The following NR3C2 variants were observed in gnomAD, a reference collection of about 807,000 sequenced individuals.
NR3C2 encodes nuclear receptor subfamily 3 group C member 2, also known as mineralocorticoid receptor.
A neutral mutation model predicts 86.4 loss-of-function variants in NR3C2; 15 were observed. The observed-to-expected ratio is 0.17, with a 90% CI of 0.12 to 0.27. The LOEUF (loss-of-function observed/expected upper bound fraction) is 0.27. Ranked by LOEUF, NR3C2 falls within the 10% of genes least tolerant of loss-of-function variation. The pLI, the probability that NR3C2 is intolerant of heterozygous loss-of-function variation, is 1.00. For synonymous variants in NR3C2, 458 were observed against 450.5 expected, an observed-to-expected ratio of 1.02 and a Z score of -0.21; for missense variants, 960 against 1,195.6, an observed-to-expected ratio of 0.80 and a Z score of 2.91.
At chr4:148,229,138 T>C (rs28507515) in intron 3 of NR3C2, among the ~76,000 whole-genome samples, 19,474 of 152,142 alleles carry the variant, frequency 0.13, 1,435 homozygotes, top group African/African-American at 0.19. Context: ...AGGAGGCAGA[T>C]AAGGGAACCT....
At chr4:148,147,178 G>A (rs1158065788) in intron 6 of NR3C2, among the ~76,000 whole-genome samples, 1 of 152,158 alleles carries the variant, frequency 6.6e-6, no homozygotes, top group Non-Finnish European at 1.5e-5. Context: ...TAAAAAATTA[G>A]AAAGAATGTT....
In NR3C2 at chr4:148,230,682, C is replaced by T. The variant is rs142630701; in HGVS notation, c.1897+29296G>A. ...GAATATCCTACTTAACATCCAATGC[C>T]TTTACCTTAGCTCTAAATTCTTCCT... On this transcript the variant is annotated intron_variant, in intron 3 of 8. Coordinates refer to ENST00000358102, the MANE Select transcript of NR3C2 (RefSeq NM_000901.5). 4.6e-4 allele frequency among the ~76,000 whole-genome samples: 70 copies of T among 152,330 alleles called. 1 individual carries two copies. Among genetic ancestry groups the T allele is most frequent in the Middle Eastern group, 3.4e-3 (1 of 294 alleles).
intron 6 of NR3C2, among the ~76,000 whole-genome samples, chr4:148,136,069 A>C (rs79681392): frequency 0.29 from 25,340 of 86,892 alleles, 2,906 homozygotes; most frequent in Middle Eastern, 0.42. Flanking sequence ...AAAAAAAAAA[A>C]AAAAAAACAA....
chr4:148,230,646 C>T (rs887793480), intron 3 of NR3C2, among the ~76,000 whole-genome samples: 1 of 152,084 alleles, frequency 6.6e-6, no homozygotes, highest in South Asian at 2.1e-4. Context: ...GGCAAAGCAC[C>T]CTAAATAATA....
intron 4 of NR3C2, among the ~76,000 whole-genome samples, chr4:148,185,605 T>A (rs1735854408): frequency 6.6e-6 from 1 of 152,186 alleles, no homozygotes. Context: ...TGACAATTAG[T>A]TTTCCTTATC....
At chr4:148,352,487 G>T (rs190147393) in intron 2 of NR3C2, among the ~76,000 whole-genome samples, 1 of 151,776 alleles carries the variant, frequency 6.6e-6, no homozygotes, top group East Asian at 1.9e-4. Context: ...TCACCCAGGG[G>T]TTGCAAACTC....
In NR3C2 at chr4:148,320,254, G is replaced by A. The variant is rs1373447651; in HGVS notation, c.1758-60137C>T. On this transcript the variant is annotated intron_variant, in intron 2 of 8. Coordinates refer to ENST00000358102, the MANE Select transcript of NR3C2 (RefSeq NM_000901.5). ...ACTTGATCATGGTGGATAAGTTTTT[G>A]ATGTGCTGCTGGATTCGTTTTGCCA... Among the ~76,000 whole-genome samples, 251 of 71,452 alleles carry A rather than the reference G, an allele frequency of 3.5e-3. 70 individuals carry two copies. Among genetic ancestry groups the A allele is most frequent in the Middle Eastern group, 0.011 (2 of 188 alleles). 46.9% of individuals were successfully genotyped at this position (71,452 alleles called of 152,430 possible). A position where few individuals can be genotyped will look rare whatever the true frequency, so the allele number is the denominator to read the frequency against.
intron 6 of NR3C2, among the ~76,000 whole-genome samples, chr4:148,123,131 G>A (rs1482493640): frequency 1.3e-5 from 2 of 152,140 alleles, no homozygotes; most frequent in African/African-American, 4.8e-5. Context: ...TGGCCGCTCT[G>A]GGAATGTATG....
chr4:148,188,121 T>C (rs1736022256), intron 4 of NR3C2, among the ~76,000 whole-genome samples: 1 of 152,232 alleles, frequency 6.6e-6, no homozygotes, highest in South Asian at 2.1e-4. Flanking sequence ...ACTATGGCCT[T>C]ACAGTATAGT....
At chr4:148,209,674 T>C (rs533956904) in intron 3 of NR3C2, among the ~76,000 whole-genome samples, 48 of 152,298 alleles carry the variant, frequency 3.2e-4, no homozygotes, top group Non-Finnish European at 1.9e-4. Flanking sequence ...ACTCATTGAT[T>C]TTAGAGTCCT....
intron 2 of NR3C2, among the ~76,000 whole-genome samples, chr4:148,273,816 A>T (rs1209913440): frequency 1.3e-5 from 2 of 152,218 alleles, no homozygotes; most frequent in Non-Finnish European, 2.9e-5. Flanking sequence ...CAAAGCTCCA[A>T]GTTGGAAGGG....
intron 2 of NR3C2, 77 bp downstream of exon 2, chr4:148,435,027 A>G: frequency 5.2e-6 from 7 of 1,357,814 alleles, no homozygotes; most frequent in Non-Finnish European, 7.4e-6. Context: ...GTTTAAATTT[A>G]TCAACTGTAA....
chr4:148,245,534 G>T (rs1579061504), intron 3 of NR3C2, among the ~76,000 whole-genome samples: 1 of 152,056 alleles, frequency 6.6e-6, no homozygotes, highest in South Asian at 2.1e-4. Context: ...TAAAATCACA[G>T]AATGTCCATT....
At chr4:148,205,042 C>T (rs1055931366) in intron 3 of NR3C2, among the ~76,000 whole-genome samples, 2 of 152,166 alleles carry the variant, frequency 1.3e-5, no homozygotes, top group Non-Finnish European at 2.9e-5. Flanking sequence ...GTTGTTCAGC[C>T]ACTCTGGCTT....
intron 2 of NR3C2, among the ~76,000 whole-genome samples, chr4:148,262,046 G>T (rs779300254): frequency 2.6e-5 from 4 of 152,072 alleles, no homozygotes; most frequent in Non-Finnish European, 5.9e-5. Flanking sequence ...TTCCATTTCT[G>T]CACCAGTAAC....
In NR3C2 at chr4:148,349,821, G is replaced by C. The variant is rs1010833215; in HGVS notation, c.1757+85283C>G. Among the ~76,000 whole-genome samples, 3 of 152,168 alleles carry C rather than the reference G, an allele frequency of 2.0e-5. No homozygotes were observed. The East Asian group carries it at 5.8e-4, about 29-fold the overall frequency. On this transcript the variant is annotated intron_variant, in intron 2 of 8. Coordinates refer to ENST00000358102, the MANE Select transcript of NR3C2 (RefSeq NM_000901.5). ...TTTGAGTCTCCAGAAAAGTGTAAAA[G>C]AAAGGTTTATGGTCTATATTGTTGG...
intron 4 of NR3C2, among the ~76,000 whole-genome samples, chr4:148,161,346 T>C (rs959223184): frequency 2.6e-5 from 4 of 151,748 alleles, no homozygotes; most frequent in Non-Finnish European, 5.9e-5. Context: ...TGAGTACCCA[T>C]ATATTACACT....
intron 2 of NR3C2, among the ~76,000 whole-genome samples, chr4:148,326,129 G>A (rs985163383): frequency 1.1e-4 from 16 of 151,964 alleles, no homozygotes; most frequent in Non-Finnish European, 1.8e-4. Flanking sequence ...AGTGGCTCAC[G>A]CCTGTAATCC....
At chr4:148,231,784 C>T (rs951057707) in intron 3 of NR3C2, among the ~76,000 whole-genome samples, 1 of 152,228 alleles carries the variant, frequency 6.6e-6, no homozygotes, top group Non-Finnish European at 1.5e-5. Flanking sequence ...CTCTCAATCT[C>T]TACCACTGCT....
Sources: allele counts gnomAD v4.1 joint callset (sites outside exome capture counted in the v4.1 genomes callset), GRCh38; gene constraint gnomAD v4.1.1; transcripts MANE v1.5; gene names NCBI Gene and HGNC (gene_info 2026-07-23, HGNC 2026-07-21).